Variants in ZNF8 observed in about 807,000 individuals in gnomAD.
ZNF8 encodes the protein zinc finger protein 272.
A neutral mutation model predicts 12.2 loss-of-function variants in ZNF8; 9 were observed. That is an observed-to-expected ratio of 0.73 (90% CI 0.44 to 1.28). The LOEUF (loss-of-function observed/expected upper bound fraction) is 1.28, where lower values mean the gene tolerates loss of function less well. Ranked by LOEUF, ZNF8 falls within the 50% of genes most tolerant of loss-of-function variation. ZNF8 has a pLI of 0.00. For missense variants in ZNF8, 664 were observed against 729.1 expected (o/e 0.91, Z 1.03); for synonymous variants, 274 against 282.3 (o/e 0.97, Z 0.30).
At chr19:58,293,315 T>A (rs1391078599) in intron 3 of ZNF8, among the ~76,000 whole-genome samples, 1 of 152,114 alleles carries the variant, frequency 6.6e-6, no homozygotes, top group African/African-American at 2.4e-5. Context: ...CTCCATTATC[T>A]CTCCCGTTGT....
rs1303955843 is a variant in ZNF8 at position 58,301,990 on chromosome 19, A to G, written c.*6454A>G. The G allele has an allele frequency of 6.6e-6, 1 of 152,238 alleles. No homozygotes were observed. The highest frequency in any genetic ancestry group is 6.5e-5 in the Admixed American group (1 of 15,284). 9.4% of individuals were successfully genotyped at this position (152,238 alleles called of 1,614,324 possible). A position where few individuals can be genotyped will look rare whatever the true frequency, so the allele number is the denominator to read the frequency against. On this transcript the variant is annotated 3_prime_UTR_variant, in exon 4 of 4. Transcript: ENST00000621650. ...TCCACCATGGGGAACTGGCTAAGTC[A>G]TTTATGGTGGAATGGTGATCATAAA...
chr19:58,286,802 C>T (rs965456444), intron 3 of ZNF8: 6 of 152,688 alleles, frequency 3.9e-5, no homozygotes, highest in East Asian at 1.9e-4. Context: ...CTTTTCTGCA[C>T]AGTGCTCCAT....
chr19:58,290,325 A>G (rs977586781), intron 3 of ZNF8, among the ~76,000 whole-genome samples: 5 of 149,674 alleles, frequency 3.3e-5, no homozygotes, highest in East Asian at 2.0e-4. Context: ...CGTGTTGGCC[A>G]GGATGGTCTC....
intron 3 of ZNF8, among the ~76,000 whole-genome samples, chr19:58,292,950 G>GTTT (rs113810291): frequency 2.1e-5 from 3 of 142,218 alleles, no homozygotes; most frequent in Non-Finnish European, 3.1e-5. Flanking sequence ...TAGAGAGTCA[G>GTTT]TTTTTTTTTT....
intron 1 of ZNF8, 83 bp downstream of exon 1, chr19:58,279,230 A>T: frequency 1.3e-6 from 2 of 1,536,164 alleles, no homozygotes; most frequent in Non-Finnish European, 1.7e-6. Context: ...TCGCGGCGCG[A>T]TGAGAGCGGC....
Position 58,295,255 on chromosome 19 carries a change from A to T in ZNF8, c.1447A>T (p.Ile483Phe). 6.2e-7 allele frequency: 1 copy of T among 1,614,238 alleles called. No individual in the cohort carries two copies. Among genetic ancestry groups the T allele is most frequent in the African/African-American group, 1.3e-5 (1 of 75,068 alleles). Residue 483 changes from isoleucine (I) to phenylalanine (F), a missense_variant, in exon 4 of 4, where the codon ATC becomes TTC. Physicochemically the swap from Ile to Phe is conservative, Grantham distance 21. Transcript: ENST00000621650. ...GTGTTTCATTCAGAGCTCTCACCTCATCCGGCACCAGATAACTCACACCAG... is the reference window on the plus strand; with the variant it reads ...GTGTTTCATTCAGAGCTCTCACCTCTTCCGGCACCAGATAACTCACACCAG... ...GKCFIQSSHL[I>F]RHQITHTREE...
At chr19:58,281,846 C>T (rs2051352219) in intron 1 of ZNF8, among the ~76,000 whole-genome samples, 1 of 152,164 alleles carries the variant, frequency 6.6e-6, no homozygotes, top group Non-Finnish European at 1.5e-5. Context: ...GGTGCAGTGG[C>T]TCATGCCTGT....
chr19:58,284,186 T>C (rs1484468640), intron 1 of ZNF8, among the ~76,000 whole-genome samples: 1 of 151,864 alleles, frequency 6.6e-6, no homozygotes, highest in Non-Finnish European at 1.5e-5. Context: ...ATTGTGCCAC[T>C]GCACTCCAGC....
intron 3 of ZNF8, among the ~76,000 whole-genome samples, chr19:58,287,638 CTTTT>C (rs35340103): frequency 1.5e-5 from 1 of 64,832 alleles, no homozygotes; most frequent in Non-Finnish European, 2.8e-5. Context: ...TGCACCTGGC[CTTTT>C]TTTTTTTTTT....
At chr19:58,282,774 C>G (rs1459211629) in intron 1 of ZNF8, among the ~76,000 whole-genome samples, 1 of 150,742 alleles carries the variant, frequency 6.6e-6, no homozygotes, top group Non-Finnish European at 1.5e-5. Context: ...ACTACAGGAG[C>G]ACGCTGCCAC....
At position 58,285,738 on chromosome 19, in the gene ZNF8, G is replaced by A; in HGVS notation, c.88G>A (p.Val30Met). 1.9e-6 allele frequency: 3 copies of A among 1,614,224 alleles called. No individual in the cohort carries two copies. The highest frequency in any genetic ancestry group is 2.5e-6 in the Non-Finnish European group (3 of 1,180,042). The change falls in exon 2 of 4, where the codon GTG becomes ATG. Residue 30 changes from valine to methionine, a missense_variant. By Grantham distance (21) the Val-to-Met change is conservative. Transcript: ENST00000621650. The part of the protein sequence containing the change: ...RLQEPVTFRD[V>M]AVDFTQEEWG... ...TCAGGAACCAGTGACCTTCCGGGATGTGGCTGTGGACTTTACCCAGGAGGA... is the reference window on the plus strand; with the variant it reads ...TCAGGAACCAGTGACCTTCCGGGATATGGCTGTGGACTTTACCCAGGAGGA...
intron 3 of ZNF8, among the ~76,000 whole-genome samples, chr19:58,293,096 A>AT (rs1223910988): frequency 5.3e-5 from 8 of 152,186 alleles, no homozygotes; most frequent in African/African-American, 1.9e-4. Flanking sequence ...CTACAGGTGT[A>AT]TAACACCACA....
chr19:58,279,558 G>A (rs1233135275), intron 1 of ZNF8: 2 of 1,527,996 alleles, frequency 1.3e-6, no homozygotes, highest in East Asian at 4.9e-5. Context: ...GAATAGAGAT[G>A]CTTTAACGCG....
rs1568521343 is a variant in ZNF8 at position 58,279,035 on chromosome 19, T to TAGAG, written c.-47_-46insAGAG. 1 of 1,366,212 alleles carries TAGAG rather than the reference T, an allele frequency of 7.3e-7. No homozygotes were observed. The highest frequency in any genetic ancestry group is 1.8e-5 in the South Asian group (1 of 55,142). The allele number at this position is 1,366,212 out of a possible 1,614,324, so 84.6% of individuals were successfully genotyped here. On this transcript the variant is annotated 5_prime_UTR_variant, in exon 1 of 4. Transcript: ENST00000621650. ...GGTCCCTTTGGCTGGAGTGCCTCTC[T>TAGAG]GGTCTGGGGATCACCTCAGGCGCTG... is the stretch of plus-strand genomic sequence containing the variant.
At chr19:58,290,461 T>G (rs2147958748) in intron 3 of ZNF8, among the ~76,000 whole-genome samples, 1 of 152,226 alleles carries the variant, frequency 6.6e-6, no homozygotes, top group East Asian at 1.9e-4. Flanking sequence ...CCACATAAGG[T>G]TCCAGGGATT....
intron 1 of ZNF8, chr19:58,280,620 T>A (rs1430909701): frequency 6.6e-6 from 1 of 152,228 alleles, no homozygotes; most frequent in Non-Finnish European, 1.5e-5. Flanking sequence ...GTCCAGTGTT[T>A]TATCTGGTTA....
At chr19:58,279,847 C>G in intron 1 of ZNF8, 3 of 1,342,674 alleles carry the variant, frequency 2.2e-6, no homozygotes, top group Non-Finnish European at 2.9e-6. Context: ...CAATAATTAT[C>G]CTTCCTCAAG....
At position 58,285,706 on chromosome 19, in the gene ZNF8, T is replaced by G. The variant is rs367715254; in HGVS notation, c.67-11T>G. 3 of 1,614,188 alleles carry G rather than the reference T, an allele frequency of 1.9e-6. No individual in the cohort carries two copies. Among genetic ancestry groups the G allele is most frequent in the Non-Finnish European group, 2.5e-6 (3 of 1,180,030 alleles). ...TAGTCCAGCTGATTGAGAATGTGTG[T>G]GATGTTTCAGGAACCAGTGACCTTC... On this transcript the variant is annotated splice_polypyrimidine_tract_variant and intron_variant, in intron 1 of 3. Coordinates refer to ENST00000621650, the MANE Select transcript of ZNF8 (RefSeq NM_021089.3).
At chr19:58,290,406 G>A (rs534938564) in intron 3 of ZNF8, among the ~76,000 whole-genome samples, 36 of 152,168 alleles carry the variant, frequency 2.4e-4, no homozygotes, top group African/African-American at 7.2e-4. Flanking sequence ...GAGCCACCGC[G>A]CCCGGCCATC....
Sources: gnomAD v4.1 joint callset for allele counts (sites outside exome capture counted in the v4.1 genomes callset) on GRCh38, gnomAD v4.1.1 for gene constraint, MANE v1.5 for transcripts, NCBI Gene and HGNC (gene_info 2026-07-23, HGNC 2026-07-21) for gene names.